NLRP14: variants seen among roughly 807,000 people sequenced by gnomAD.
NLRP14 encodes the protein NLR family pyrin domain containing 14.
A neutral mutation model predicts 94.7 loss-of-function variants in NLRP14; 105 were observed. The observed-to-expected ratio is 1.11, with a 90% CI of 0.95 to 1.30. NLRP14 has a LOEUF of 1.30. NLRP14 is among the 50% of genes most tolerant of loss of function. NLRP14 has a pLI of 0.00. For missense variants in NLRP14, 1,362 were observed against 1,254.1 expected (o/e 1.09, Z -1.30); for synonymous variants, 508 against 459.9 (o/e 1.10, Z -1.34).
intron 10 of NLRP14, 92 bp downstream of exon 10, chr11:7,062,595 T>C: frequency 3.7e-6 from 4 of 1,092,216 alleles, no homozygotes; most frequent in Non-Finnish European, 5.6e-6. Context: ...GGATAAAAAC[T>C]AAATGGGGCT....
Position 7,041,879 on chromosome 11 carries a change from T to A in NLRP14, c.362-509T>A, listed in dbSNP as rs561840709. Among the ~76,000 whole-genome samples, 3 of 152,286 alleles carry A rather than the reference T, an allele frequency of 2.0e-5. No homozygotes were observed. In the South Asian group the frequency reaches 6.2e-4, roughly 32 times the overall value. On this transcript the variant is annotated intron_variant, in intron 3 of 11. Coordinates refer to ENST00000299481, the MANE Select transcript of NLRP14 (RefSeq NM_176822.4). ...TTCATTCTATTTCACTCAGGATGTT[T>A]TTCTTTTTTCAAAATATTATTTAAG...
chr11:7,077,072 G>A, the NLRP14 span, among the ~76,000 whole-genome samples: 5 of 152,132 alleles, frequency 3.3e-5, no homozygotes, highest in South Asian at 1.0e-3. Context: ...AATCGCATCC[G>A]GTGGGAGTCC....
intron 1 of NLRP14, among the ~76,000 whole-genome samples, chr11:7,027,376 G>T (rs899637415): frequency 6.6e-6 from 1 of 151,932 alleles, no homozygotes; most frequent in Admixed American, 6.6e-5. Flanking sequence ...GCCACTTCCT[G>T]GTTGATTTAT....
chr11:7,079,734 C>T, the NLRP14 span, among the ~76,000 whole-genome samples: 5 of 152,302 alleles, frequency 3.3e-5, no homozygotes, highest in South Asian at 2.1e-4. Context: ...GTGCATCTCA[C>T]GTATGGAGCA....
At chr11:7,028,893 G>T (rs920501361) in intron 1 of NLRP14, among the ~76,000 whole-genome samples, 1 of 152,060 alleles carries the variant, frequency 6.6e-6, no homozygotes, top group African/African-American at 2.4e-5. Flanking sequence ...AGGTGGGAAG[G>T]TGTGGAGTAA....
chr11:7,070,289 G>A lies in NLRP14; in HGVS notation c.2979G>A (p.Leu993=), dbSNP rs554853437. ...CTTTTGTCTCTCTTCTCTACAGGTT[G>A]GAATACTGTGGTTTGACATCTCTCT... ...YPNCNIQRLG[L]EYCGLTSLCC... Residue 993 remains leucine, a synonymous_variant, in exon 11 of 12, where the codon TTG becomes TTA. Coordinates refer to ENST00000299481, the MANE Select transcript of NLRP14 (RefSeq NM_176822.4). 1.2e-6 allele frequency: 2 copies of A among 1,606,330 alleles called. No individual in the cohort carries two copies. The highest frequency in any genetic ancestry group is 3.3e-5 in the Admixed American group (2 of 60,008).
intron 4 of NLRP14, 55 bp from the exon 5 acceptor site, chr11:7,046,613 G>A (rs530751881): frequency 6.0e-6 from 9 of 1,512,596 alleles, no homozygotes; most frequent in African/African-American, 1.4e-5. Flanking sequence ...CTGAGAGTTG[G>A]CTAGGCTGAA....
In NLRP14 at chr11:7,043,079, A is replaced by G. The variant is rs1388127495; in HGVS notation, c.1053A>G (p.Lys351=). ...TTGAAGATAAGAGGTGGGCCATGAAAGTATTCAGTTCACTAAAAAGCAATG... is the reference window on the plus strand; with the variant it reads ...TTGAAGATAAGAGGTGGGCCATGAAGGTATTCAGTTCACTAAAAAGCAATG... The part of the protein sequence containing the change: ...QFFEDKRWAM[K]VFSSLKSNEM... Residue 351 remains lysine (K), a synonymous_variant, in exon 4 of 12, where the codon AAA becomes AAG. Transcript: ENST00000299481. 2 of 1,614,154 alleles carry G rather than the reference A, an allele frequency of 1.2e-6. No individual in the cohort carries two copies. Among genetic ancestry groups the G allele is most frequent in the Non-Finnish European group, 8.5e-7 (1 of 1,180,030 alleles).
chr11:7,057,349 C>T (rs1852530278), intron 6 of NLRP14, among the ~76,000 whole-genome samples: 1 of 152,024 alleles, frequency 6.6e-6, no homozygotes. Flanking sequence ...AGTCATCCTT[C>T]ACGCCATATC....
At chr11:7,064,473 C>T (rs1410475522) in intron 10 of NLRP14, among the ~76,000 whole-genome samples, 1 of 151,984 alleles carries the variant, frequency 6.6e-6, no homozygotes. Context: ...AATTGTTCTC[C>T]TCACTCTCCA....
chr11:7,025,444 A>C (rs1852001093), intron 1 of NLRP14, among the ~76,000 whole-genome samples: 1 of 152,166 alleles, frequency 6.6e-6, no homozygotes, highest in African/African-American at 2.4e-5. Context: ...CAAACCAAAA[A>C]CAGAAATACC....
intron 1 of NLRP14, among the ~76,000 whole-genome samples, chr11:7,036,329 C>T (rs1265291122): frequency 6.6e-6 from 1 of 152,138 alleles, no homozygotes; most frequent in Admixed American, 6.5e-5. Context: ...CCTTCGAGGA[C>T]AGCGTAAAAC....
At chr11:7,082,494 A>G in the NLRP14 span, among the ~76,000 whole-genome samples, 2 of 152,190 alleles carry the variant, frequency 1.3e-5, no homozygotes, top group Non-Finnish European at 2.9e-5. Context: ...GATCCTGCCT[A>G]GTTCCAATAG....
the NLRP14 span, among the ~76,000 whole-genome samples, chr11:7,087,894 A>T: frequency 6.6e-6 from 1 of 152,224 alleles, no homozygotes; most frequent in Admixed American, 6.5e-5. Context: ...AATAAGGAGG[A>T]TCATTACATA....
chr11:7,089,907 T>C, the NLRP14 span: 4 of 1,612,572 alleles, frequency 2.5e-6, no homozygotes, highest in South Asian at 2.2e-5. Flanking sequence ...CCGAGACGGC[T>C]ACGGAGGTCG....
chr11:7,061,552 A>T (rs1423961725), intron 9 of NLRP14, among the ~76,000 whole-genome samples: 1 of 152,068 alleles, frequency 6.6e-6, no homozygotes, highest in Non-Finnish European at 1.5e-5. Context: ...AAAGTCATTA[A>T]GGTGATGCTT....
chr11:7,050,616 G>C (rs924982562), intron 6 of NLRP14, among the ~76,000 whole-genome samples: 1 of 152,178 alleles, frequency 6.6e-6, no homozygotes, highest in Non-Finnish European at 1.5e-5. Flanking sequence ...GGCCAAAGTA[G>C]ATCTGTATTT....
chr11:7,033,139 T>G (rs1298200757), intron 1 of NLRP14, among the ~76,000 whole-genome samples: 2 of 152,232 alleles, frequency 1.3e-5, no homozygotes, highest in Non-Finnish European at 2.9e-5. Flanking sequence ...TTTACCACAA[T>G]GTATTGATTG....
intron 5 of NLRP14, 66 bp from the exon 6 acceptor site, chr11:7,049,586 CAAGAATTAGATTGAAAAGA>C (rs1852411798): frequency 4.2e-6 from 4 of 955,832 alleles, no homozygotes; most frequent in Non-Finnish European, 6.8e-6. Context: ...ATGTAATATC[CAAGAATTAGATTGAAAAGA>C]AAGGGATCCT....
Sources: gnomAD v4.1 joint callset for allele counts (sites outside exome capture counted in the v4.1 genomes callset) on GRCh38, gnomAD v4.1.1 for gene constraint, MANE v1.5 for transcripts, NCBI Gene and HGNC (gene_info 2026-07-23, HGNC 2026-07-21) for gene names.